Variants in HYKK observed in about 807,000 individuals in gnomAD.
HYKK encodes the protein hydroxylysine kinase.
Under a neutral mutation model 29.7 loss-of-function variants are expected in HYKK, and 19 were observed. That is an observed-to-expected ratio of 0.64 (90% CI 0.45 to 0.94). The LOEUF is 0.94. Ranked by LOEUF, HYKK falls within the 40% of genes least tolerant of loss-of-function variation. The probability of loss-of-function intolerance (pLI) is 0.00; values close to 1 mark genes in which losing one functional copy is unlikely to be tolerated. For missense variants in HYKK, 390 were observed against 443.4 expected (o/e 0.88, Z 1.08); for synonymous variants, 152 against 158.1 (o/e 0.96, Z 0.29).
At chr15:78,524,485 G>A (rs2052229094) in intron 3 of HYKK, among the ~76,000 whole-genome samples, 1 of 152,216 alleles carries the variant, frequency 6.6e-6, no homozygotes, top group Admixed American at 6.5e-5. Flanking sequence ...GGCCTGTGAT[G>A]GTAGGGGCTG....
chr15:78,514,325 A>C (rs2052105030), intron 2 of HYKK, among the ~76,000 whole-genome samples: 1 of 152,100 alleles, frequency 6.6e-6, no homozygotes, highest in African/African-American at 2.4e-5. Flanking sequence ...TTTCACCTCT[A>C]AATACTAAAA....
chr15:78,508,012 T>G (rs1027936587), intron 1 of HYKK, among the ~76,000 whole-genome samples: 3 of 152,144 alleles, frequency 2.0e-5, no homozygotes, highest in African/African-American at 7.2e-5. Context: ...GTCTCTGAGC[T>G]CCGCTGAACC....
intron 3 of HYKK, among the ~76,000 whole-genome samples, chr15:78,525,804 A>G (rs1251026870): frequency 2.0e-5 from 3 of 152,230 alleles, no homozygotes; most frequent in Non-Finnish European, 4.4e-5. Flanking sequence ...CAGCCAGAAT[A>G]TAATTTTTAA....
downstream of HYKK, among the ~76,000 whole-genome samples, chr15:78,536,968 T>C (rs1268390292): frequency 6.6e-6 from 1 of 152,124 alleles, no homozygotes; most frequent in South Asian, 2.1e-4. Flanking sequence ...TCTCTTGCCC[T>C]CAGATAGCAA....
chr15:78,530,207 T>A (rs1350510073), intron 4 of HYKK, among the ~76,000 whole-genome samples: 1 of 146,362 alleles, frequency 6.8e-6, no homozygotes, highest in Non-Finnish European at 1.5e-5. Flanking sequence ...TTTATTTTTT[T>A]TTTTTTTTTT....
intron 3 of HYKK, among the ~76,000 whole-genome samples, chr15:78,524,116 G>A (rs2052225375): frequency 6.6e-6 from 1 of 152,236 alleles, no homozygotes; most frequent in Non-Finnish European, 1.5e-5. Context: ...GGGGCTCCAA[G>A]CCCACATTTC....
intron 1 of HYKK, among the ~76,000 whole-genome samples, chr15:78,509,214 TAAAG>T (rs1443704108): frequency 3.3e-5 from 5 of 152,216 alleles, no homozygotes; most frequent in Non-Finnish European, 5.9e-5. Context: ...AAGGCGAACT[TAAAG>T]AACTTTAGTG....
intron 4 of HYKK, among the ~76,000 whole-genome samples, chr15:78,530,282 C>T (rs1450529680): frequency 1.1e-4 from 16 of 151,630 alleles, no homozygotes; most frequent in Admixed American, 6.6e-5. Flanking sequence ...CTCACTGCAA[C>T]GTCCACCTCC....
At chr15:78,514,282 A>G (rs1315951755) in intron 2 of HYKK, among the ~76,000 whole-genome samples, 1 of 152,124 alleles carries the variant, frequency 6.6e-6, no homozygotes, top group Non-Finnish European at 1.5e-5. Context: ...TTAAATCCCT[A>G]AGGCCGCCAG....
At chr15:78,526,512 G>A (rs1290770505) in intron 3 of HYKK, among the ~76,000 whole-genome samples, 1 of 152,194 alleles carries the variant, frequency 6.6e-6, no homozygotes, top group Non-Finnish European at 1.5e-5. Flanking sequence ...TAACCATGTG[G>A]ATATCTGGTG....
chr15:78,510,788 T>G (rs1354427294), intron 1 of HYKK, among the ~76,000 whole-genome samples: 1 of 152,138 alleles, frequency 6.6e-6, no homozygotes, highest in African/African-American at 2.4e-5. Context: ...TATTCACAGA[T>G]CTTACTAGTT....
At chr15:78,529,555 T>A (rs964550337) in intron 4 of HYKK, among the ~76,000 whole-genome samples, 2 of 152,230 alleles carry the variant, frequency 1.3e-5, no homozygotes, top group Non-Finnish European at 2.9e-5. Context: ...CTTGGTGTGG[T>A]CAGACTTCTA....
chr15:78,526,796 G>A (rs1197225788), intron 3 of HYKK, among the ~76,000 whole-genome samples: 1 of 152,206 alleles, frequency 6.6e-6, no homozygotes, highest in Non-Finnish European at 1.5e-5. Context: ...CAAACTGAGA[G>A]ATCCTGCACA....
chr15:78,527,333 A>C (rs2052265060), intron 3 of HYKK, 47 bp from the exon 4 acceptor site: 1 of 1,501,718 alleles, frequency 6.7e-7, no homozygotes, highest in East Asian at 2.3e-5. Flanking sequence ...CTCTCTCAGC[A>C]GTGGTTGCTC....
chr15:78,525,748 G>A (rs566529600), intron 3 of HYKK, among the ~76,000 whole-genome samples: 1 of 146,174 alleles, frequency 6.8e-6, no homozygotes, highest in Non-Finnish European at 1.5e-5. Flanking sequence ...ATCCACCCAC[G>A]TTGGCCTCCC....
intron 3 of HYKK, among the ~76,000 whole-genome samples, chr15:78,516,762 A>G (rs528106806): frequency 1.3e-5 from 2 of 148,818 alleles, no homozygotes; most frequent in Non-Finnish European, 3.0e-5. Context: ...ACTCACGCCT[A>G]TAATTCCTGC....
intron 3 of HYKK, among the ~76,000 whole-genome samples, chr15:78,526,225 T>C (rs2052253120): frequency 1.3e-5 from 2 of 152,222 alleles, no homozygotes; most frequent in Non-Finnish European, 2.9e-5. Flanking sequence ...GTGCCTTCAA[T>C]GTGCCAGGCA....
chr15:78,521,159 G>C (rs2052192463), intron 3 of HYKK, among the ~76,000 whole-genome samples: 1 of 152,190 alleles, frequency 6.6e-6, no homozygotes, highest in Non-Finnish European at 1.5e-5. Context: ...CAGTTGGTCA[G>C]GTAGGCCTGT....
chr15:78,528,807 A>C, intron 4 of HYKK: 1 of 982,872 alleles, frequency 1.0e-6, no homozygotes, highest in Non-Finnish European at 1.2e-6. Context: ...TCTCCAAAAA[A>C]AAAAAAGGGC....
Sources: allele counts gnomAD v4.1 joint callset (sites outside exome capture counted in the v4.1 genomes callset), GRCh38; gene constraint gnomAD v4.1.1; transcripts MANE v1.5; gene names NCBI Gene and HGNC (gene_info 2026-07-23, HGNC 2026-07-21).